PITPNM2: variants seen among roughly 807,000 people sequenced by gnomAD.
The protein encoded by PITPNM2 is phosphatidylinositol transfer protein membrane associated 2.
Under a neutral mutation model 132.2 loss-of-function variants are expected in PITPNM2, and 35 were observed. The observed-to-expected ratio is 0.26, with a 90% CI of 0.20 to 0.35. The LOEUF is 0.35. Ranked by LOEUF, PITPNM2 falls within the 10% of genes least tolerant of loss-of-function variation. PITPNM2 has a pLI of 1.00. For synonymous variants in PITPNM2, 738 were observed against 799.2 expected (o/e 0.92, Z 1.29); for missense variants, 1,332 against 1,912.0 (o/e 0.70, Z 5.66).
At chr12:122,990,027 A>C in intron 17 of PITPNM2, 79 bp from the exon 18 acceptor site, 2 of 1,152,348 alleles carry the variant, frequency 1.7e-6, no homozygotes, top group Non-Finnish European at 2.2e-6. Context: ...CAGGCAGGAC[A>C]CTGGGACAGT....
intron 2 of PITPNM2, among the ~76,000 whole-genome samples, chr12:123,096,847 C>A (rs1358339941): frequency 3.9e-5 from 6 of 152,090 alleles, no homozygotes; most frequent in Non-Finnish European, 8.8e-5. Flanking sequence ...GCAGGCTGGC[C>A]ATAGAATCCT....
rs1045950830 is a variant in PITPNM2, at chr12:123,106,924, T to C, written c.-96+3461A>G. Among the ~76,000 whole-genome samples the C allele has an allele frequency of 3.3e-5, 5 of 152,224 alleles. No individual in the cohort carries two copies. Among genetic ancestry groups the C allele is most frequent in the Non-Finnish European group, 5.9e-5 (4 of 68,044 alleles). ...ATTCCCATGTGGGACTAGGGCTGCC[T>C]GAGAGGAGGGACTAGGAAGCAAGGC... On this transcript the variant is annotated intron_variant, in intron 2 of 25. Coordinates refer to ENST00000320201, the MANE Select transcript of PITPNM2 (RefSeq NM_020845.3). The surrounding 1 kb of genome is among the most constrained non-coding windows in gnomAD (Gnocchi z 4.4).
rs1314591106 is a variant in PITPNM2 at position 122,983,715 on chromosome 12, T to A, written c.*2312A>T. 2.0e-5 allele frequency: 3 copies of A among 151,536 alleles called. No homozygotes were observed. The highest frequency in any genetic ancestry group is 4.4e-5 in the Non-Finnish European group (3 of 67,938). 9.4% of individuals were successfully genotyped at this position (151,536 alleles called of 1,614,324 possible). On this transcript the variant is annotated 3_prime_UTR_variant, in exon 26 of 26. Coordinates refer to ENST00000320201, the MANE Select transcript of PITPNM2 (RefSeq NM_020845.3). ...GAGCCAGGGAGGGGTGGGGGGTCTCTGCTGAATCCCTCTTTAGAAATCAAA... is the reference window on the plus strand; with the variant it reads ...GAGCCAGGGAGGGGTGGGGGGTCTCAGCTGAATCCCTCTTTAGAAATCAAA...
intron 2 of PITPNM2, among the ~76,000 whole-genome samples, chr12:123,080,673 T>C (rs945519958): frequency 6.6e-6 from 1 of 152,162 alleles, no homozygotes; most frequent in Non-Finnish European, 1.5e-5. Flanking sequence ...GGGAGACACA[T>C]GCATGTGCCA....
At chr12:123,021,605 C>T (rs1374105199) in intron 3 of PITPNM2, 18 of 914,316 alleles carry the variant, frequency 2.0e-5, no homozygotes, top group Non-Finnish European at 2.4e-5. Flanking sequence ...TCAAGCCCCA[C>T]TGCGGTGTCA....
intron 2 of PITPNM2, among the ~76,000 whole-genome samples, chr12:123,061,745 G>A (rs2041240917): frequency 6.6e-6 from 1 of 152,222 alleles, no homozygotes; most frequent in Admixed American, 6.5e-5. Flanking sequence ...ATCCAAGGGA[G>A]CTTCTGAAGG....
intron 1 of PITPNM2, among the ~76,000 whole-genome samples, chr12:123,141,374 C>T (rs1302139544): frequency 6.6e-6 from 1 of 152,154 alleles, no homozygotes; most frequent in Non-Finnish European, 1.5e-5. Context: ...AAAGGCCCCT[C>T]CCCTCTGCAC....
chr12:123,046,671 C>G (rs912112197), intron 2 of PITPNM2, among the ~76,000 whole-genome samples: 1 of 152,198 alleles, frequency 6.6e-6, no homozygotes, highest in Non-Finnish European at 1.5e-5. Flanking sequence ...CTGGACATTT[C>G]CTATTGGTGG....
chr12:123,068,611 C>G (rs1317504885), intron 2 of PITPNM2, among the ~76,000 whole-genome samples: 2 of 152,340 alleles, frequency 1.3e-5, no homozygotes, highest in South Asian at 2.1e-4. Flanking sequence ...AAATACTTAA[C>G]AGCCCCCTAA....
chr12:123,027,054 A>C (rs962377361), intron 3 of PITPNM2, among the ~76,000 whole-genome samples: 2 of 152,038 alleles, frequency 1.3e-5, no homozygotes, highest in Non-Finnish European at 2.9e-5. Flanking sequence ...AGTGCCCACA[A>C]TGGCCTCCTG....
In PITPNM2 at chr12:123,058,942, C is replaced by T. The variant is rs912898833; in HGVS notation, c.-95-24257G>A. On this transcript the variant is annotated intron_variant, in intron 2 of 25. Transcript: ENST00000320201. The surrounding 1 kb of genome is among the most constrained non-coding windows in gnomAD (Gnocchi z 4.0). ...CACCTCAGCCCCAGCTCCCACCACA[C>T]CCCATTCCCATTGTCTGGGCCCAAA... Among the ~76,000 whole-genome samples, 2 of 152,154 alleles carry T rather than the reference C, an allele frequency of 1.3e-5. No individual in the cohort carries two copies. The highest frequency in any genetic ancestry group is 2.9e-5 in the Non-Finnish European group (2 of 68,038).
chr12:123,017,665 T>C (rs893486624), intron 3 of PITPNM2, among the ~76,000 whole-genome samples: 2 of 152,298 alleles, frequency 1.3e-5, no homozygotes, highest in Middle Eastern at 3.4e-3. Flanking sequence ...CATACAATAA[T>C]AGAATATTAT....
At chr12:122,989,726 C>T in intron 18 of PITPNM2, 61 bp downstream of exon 18, 3 of 1,325,658 alleles carry the variant, frequency 2.3e-6, no homozygotes, top group Non-Finnish European at 2.9e-6. Flanking sequence ...CAGAGCCTGG[C>T]AGTGAGGGGT....
At position 123,096,899 on chromosome 12, in the gene PITPNM2, G is replaced by A. The variant is rs372617620; in HGVS notation, c.-96+13486C>T. Among the ~76,000 whole-genome samples the A allele has an allele frequency of 1.6e-4, 25 of 152,302 alleles. No homozygotes were observed. In the East Asian group the frequency reaches 1.9e-3, roughly 12 times the overall value. On this transcript the variant is annotated intron_variant, in intron 2 of 25. Transcript: ENST00000320201. Reference sequence around the variant, plus strand: ...TCCCCGGCCCCTCTGCAGCAAAAACGAGGCCCAGGGAAGCTAGAGGAACTA... The same window carrying A: ...TCCCCGGCCCCTCTGCAGCAAAAACAAGGCCCAGGGAAGCTAGAGGAACTA...
chr12:123,075,345 G>C (rs778219388), intron 2 of PITPNM2, among the ~76,000 whole-genome samples: 3 of 152,248 alleles, frequency 2.0e-5, no homozygotes, highest in Non-Finnish European at 4.4e-5. Context: ...GGCCAAGGCA[G>C]ATGTTCTGAG....
chr12:123,094,465 C>T (rs571706978), intron 2 of PITPNM2, among the ~76,000 whole-genome samples: 22 of 152,350 alleles, frequency 1.4e-4, no homozygotes, highest in African/African-American at 2.6e-4. Flanking sequence ...TGTCCTCCGG[C>T]GCATCAGGCT....
Position 122,992,215 on chromosome 12 carries a change from C to A in PITPNM2, c.2404+284G>T, listed in dbSNP as rs2038220520. Among the ~76,000 whole-genome samples, 1 of 152,136 alleles carries A rather than the reference C, an allele frequency of 6.6e-6. No individual in the cohort carries two copies. The highest frequency in any genetic ancestry group is 1.5e-5 in the Non-Finnish European group (1 of 67,994). On this transcript the variant is annotated intron_variant, in intron 16 of 25. Transcript: ENST00000320201. This position sits in a 1 kb window ranked among gnomAD's most constrained non-coding sequence, Gnocchi z 6.5. ...GAGGCTCAGCTGTGGAGAGGGGAGT[C>A]TGGTCTTGTTCTGCCCTTTCCCTGC... is the stretch of plus-strand genomic sequence containing the variant.
intron 2 of PITPNM2, among the ~76,000 whole-genome samples, chr12:123,086,233 G>C (rs1367926421): frequency 4.6e-5 from 7 of 152,202 alleles, no homozygotes; most frequent in African/African-American, 1.7e-4. Context: ...CCTGGCTACA[G>C]AAAAGCAGCT....
At chr12:123,044,930 G>T (rs759362648) in intron 2 of PITPNM2, among the ~76,000 whole-genome samples, 1 of 152,148 alleles carries the variant, frequency 6.6e-6, no homozygotes, top group Non-Finnish European at 1.5e-5. Context: ...TGGGACCACA[G>T]GCATGTGTAC....
Sources: allele counts gnomAD v4.1 joint callset (sites outside exome capture counted in the v4.1 genomes callset), GRCh38; gene constraint gnomAD v4.1.1; non-coding constraint Gnocchi (gnomAD v3.1); transcripts MANE v1.5; gene names NCBI Gene and HGNC (gene_info 2026-07-23, HGNC 2026-07-21).